Variants in POMK observed in about 807,000 individuals in gnomAD.
POMK encodes the protein protein O-mannose kinase.
Under a neutral mutation model 23.0 loss-of-function variants are expected in POMK, and 19 were observed. The observed-to-expected ratio is 0.83, with a 90% CI of 0.58 to 1.21. The LOEUF is 1.21. Ranked by LOEUF, POMK falls within the 50% of genes most tolerant of loss-of-function variation. POMK has a pLI of 0.00. For synonymous variants in POMK, 173 were observed against 171.6 expected (o/e 1.01, Z -0.06); for missense variants, 410 against 431.3 (o/e 0.95, Z 0.44).
At position 43,103,659 on chromosome 8, in the gene POMK, C is replaced by T. The variant is rs774288809; in HGVS notation, c.111C>T (p.Cys37=). 1.9e-6 allele frequency: 3 copies of T among 1,613,958 alleles called. No individual in the cohort carries two copies. Among genetic ancestry groups the T allele is most frequent in the African/African-American group, 2.7e-5 (2 of 74,882 alleles). Residue 37 remains cysteine, a synonymous_variant, in exon 4 of 5, where the codon TGC becomes TGT. Coordinates refer to ENST00000331373, the MANE Select transcript of POMK (RefSeq NM_032237.5). ...MALMNTLLYL[C]LDHFFIAPRQ... is the part of the protein sequence containing the mutation. ...TGATGAATACTCTGCTCTACCTCTG[C>T]CTCGACCACTTCTTCATCGCTCCTC...
At chr8:43,112,519 A>G (rs981481494) in intron 4 of POMK, among the ~76,000 whole-genome samples, 1 of 152,212 alleles carries the variant, frequency 6.6e-6, no homozygotes, top group Non-Finnish European at 1.5e-5. Context: ...AACTTCCCCA[A>G]TCTAGCAAGG....
chr8:43,119,907 T>C lies in POMK; in HGVS notation c.283-2200T>C, dbSNP rs141101516. On this transcript the variant is annotated intron_variant, in intron 4 of 4. Coordinates refer to ENST00000331373, the MANE Select transcript of POMK (RefSeq NM_032237.5). ...AAAAGATCTTCATGGTCCTTGGGTC[T>C]AACTCCATTTTATATAATATTTCTT... Among the ~76,000 whole-genome samples the C allele has an allele frequency of 2.5e-3, 381 of 151,862 alleles. 2 individuals carry two copies. Among genetic ancestry groups the C allele is most frequent in the South Asian group, 0.011 (53 of 4,822 alleles).
chr8:43,120,305 G>A (rs1051177383), intron 4 of POMK, among the ~76,000 whole-genome samples: 4 of 151,530 alleles, frequency 2.6e-5, no homozygotes, highest in African/African-American at 7.3e-5. Context: ...TCCACCTCCT[G>A]GGGTTCAAGC....
rs754439246 is a variant in POMK at position 43,122,520 on chromosome 8, C to T, written c.696C>T (p.Pro232=). 1 of 1,614,110 alleles carries T rather than the reference C, an allele frequency of 6.2e-7. No homozygotes were observed. The highest frequency in any genetic ancestry group is 1.7e-5 in the Admixed American group (1 of 60,016). Residue 232 remains proline, a synonymous_variant, in exon 5 of 5, where the codon CCC becomes CCT. Coordinates refer to ENST00000331373, the MANE Select transcript of POMK (RefSeq NM_032237.5). ...TGGCAAATGACTTGGACGCCTTACC[C>T]CTGGTGAACCACAGCTCCGGGATGC... ...SILANDLDAL[P]LVNHSSGMLV... is the part of the protein sequence containing the mutation.
At chr8:43,113,924 G>A (rs932204943) in intron 4 of POMK, among the ~76,000 whole-genome samples, 6 of 152,320 alleles carry the variant, frequency 3.9e-5, no homozygotes, top group African/African-American at 1.2e-4. Context: ...GCAGAACAGC[G>A]GATTTTCGTG....
chr8:43,095,610 T>TA (rs1224440527), intron 1 of POMK, among the ~76,000 whole-genome samples: 3 of 152,164 alleles, frequency 2.0e-5, no homozygotes, highest in Admixed American at 6.5e-5. Context: ...CAGGGCAAGT[T>TA]ACATGGGTCT....
chr8:43,101,140 A>T (rs777202545), intron 2 of POMK, among the ~76,000 whole-genome samples: 32 of 152,124 alleles, frequency 2.1e-4, no homozygotes, highest in Middle Eastern at 3.4e-3. Context: ...TAAATTTAAA[A>T]GGCCAGGTGC....
At chr8:43,121,129 CTTAGAT>C (rs1468636575) in intron 4 of POMK, among the ~76,000 whole-genome samples, 1 of 152,098 alleles carries the variant, frequency 6.6e-6, no homozygotes, top group Non-Finnish European at 1.5e-5. Flanking sequence ...CGATTATTGC[CTTAGAT>C]TTAGATGTTA....
intron 4 of POMK, among the ~76,000 whole-genome samples, chr8:43,113,857 G>A (rs1183787458): frequency 2.0e-5 from 3 of 152,248 alleles, no homozygotes; most frequent in African/African-American, 7.2e-5. Flanking sequence ...AGGTCTGTTG[G>A]AGTTTGCTAG....
At chr8:43,116,449 T>TA (rs1244713257) in intron 4 of POMK, among the ~76,000 whole-genome samples, 1 of 151,994 alleles carries the variant, frequency 6.6e-6, no homozygotes, top group Non-Finnish European at 1.5e-5. Flanking sequence ...TTTTTTTTTT[T>TA]AAAGAGTTGA....
intron 4 of POMK, among the ~76,000 whole-genome samples, chr8:43,119,927 T>C (rs1255350731): frequency 6.6e-6 from 1 of 151,336 alleles, no homozygotes; most frequent in Non-Finnish European, 1.5e-5. Context: ...TTATATAATA[T>C]TTCTTTTTCT....
At chr8:43,103,070 C>T (rs551572387) in intron 3 of POMK, among the ~76,000 whole-genome samples, 2 of 152,284 alleles carry the variant, frequency 1.3e-5, no homozygotes, top group South Asian at 4.1e-4. Context: ...TGAGTACCTC[C>T]CAGGGAACAG....
chr8:43,116,219 C>G (rs934252529), intron 4 of POMK, among the ~76,000 whole-genome samples: 1 of 152,228 alleles, frequency 6.6e-6, no homozygotes, highest in African/African-American at 2.4e-5. Context: ...AATGAAGACA[C>G]ATTTGACTAC....
At chr8:43,122,048 CT>C (rs1333833870) in intron 4 of POMK, 58 bp from the exon 5 acceptor site, 16 of 1,512,578 alleles carry the variant, frequency 1.1e-5, no homozygotes, top group African/African-American at 2.8e-5. Flanking sequence ...ATTTGTTGTT[CT>C]TTGGTCACTA....
chr8:43,114,475 T>C (rs191041288), intron 4 of POMK, among the ~76,000 whole-genome samples: 13 of 152,286 alleles, frequency 8.5e-5, no homozygotes, highest in Non-Finnish European at 1.6e-4. Context: ...AGTGCAGTAT[T>C]AGGGTGGGAG....
intron 1 of POMK, among the ~76,000 whole-genome samples, chr8:43,094,762 T>G (rs191445758): frequency 6.6e-6 from 1 of 152,310 alleles, no homozygotes; most frequent in Admixed American, 6.5e-5. Flanking sequence ...TTCTTTTCTT[T>G]TTAAGCTGTA....
rs778749095 is a variant in POMK at position 43,103,731 on chromosome 8, G to C, written c.183G>C (p.Arg61Ser). The change falls in exon 4 of 5, where the codon AGG becomes AGC. Residue 61 changes from arginine (R) to serine (S), a missense_variant. Physicochemically the swap from Arg to Ser is moderately radical, Grantham distance 110 (BLOSUM62 -1). Transcript: ENST00000331373. ...CACACTGTCCCTATGGTCACTTCAGGATAGGACAGATGAAAAACTGCTCAC... is the reference window on the plus strand; with the variant it reads ...CACACTGTCCCTATGGTCACTTCAGCATAGGACAGATGAAAAACTGCTCAC... Reference protein sequence around the residue: ...DPTHCPYGHFRIGQMKNCSPW... With the variant: ...DPTHCPYGHFSIGQMKNCSPW... The C allele has an allele frequency of 1.9e-6, 3 of 1,614,184 alleles. No individual in the cohort carries two copies. In the Admixed American group the frequency reaches 5.0e-5, roughly 27 times the overall value.
intron 1 of POMK, among the ~76,000 whole-genome samples, chr8:43,095,303 G>T (rs1030535209): frequency 6.6e-6 from 1 of 152,304 alleles, no homozygotes; most frequent in South Asian, 2.1e-4. Flanking sequence ...CACAGAATTG[G>T]TGTGAAGTTG....
At chr8:43,110,060 T>C (rs1811618700) in intron 4 of POMK, among the ~76,000 whole-genome samples, 1 of 152,248 alleles carries the variant, frequency 6.6e-6, no homozygotes, top group South Asian at 2.1e-4. Context: ...TTCAAACCTT[T>C]AGACTTTTCC....
Sources: gnomAD v4.1 joint callset for allele counts (sites outside exome capture counted in the v4.1 genomes callset) on GRCh38, gnomAD v4.1.1 for gene constraint, MANE v1.5 for transcripts, NCBI Gene and HGNC (gene_info 2026-07-23, HGNC 2026-07-21) for gene names.